Variants in SMG6 observed in about 807,000 individuals in gnomAD.
SMG6 encodes telomerase-binding protein EST1A.
SMG6 carries 66 observed loss-of-function variants against 142.2 expected under a neutral mutation model. The observed-to-expected ratio is 0.46, with a 90% CI of 0.38 to 0.57. The LOEUF is 0.57. Ranked by LOEUF, SMG6 falls within the 20% of genes least tolerant of loss-of-function variation. The probability of loss-of-function intolerance (pLI) is 0.00; values close to 1 mark genes in which losing one functional copy is unlikely to be tolerated. For synonymous variants in SMG6, 779 were observed against 702.4 expected (o/e 1.11, Z -1.72); for missense variants, 1,793 against 1,832.0 (o/e 0.98, Z 0.39).
chr17:2,278,526 T>A (rs2074712083), intron 8 of SMG6, among the ~76,000 whole-genome samples: 1 of 152,120 alleles, frequency 6.6e-6, no homozygotes, highest in Non-Finnish European at 1.5e-5. Context: ...TACATTACTG[T>A]TTAATGTTGA....
intron 12 of SMG6, among the ~76,000 whole-genome samples, chr17:2,179,795 G>T (rs903898505): frequency 1.3e-5 from 2 of 152,152 alleles, no homozygotes; most frequent in Admixed American, 1.3e-4. Context: ...CTTGGCACTG[G>T]TTCTATTTTC....
intron 8 of SMG6, among the ~76,000 whole-genome samples, chr17:2,282,393 A>C (rs1296515442): frequency 1.9e-5 from 1 of 52,222 alleles, no homozygotes; most frequent in South Asian, 5.1e-4. Context: ...AAAGCAGCAA[A>C]AAAAAAAAAA....
intron 13 of SMG6, among the ~76,000 whole-genome samples, chr17:2,137,529 G>T (rs1278048775): frequency 6.6e-6 from 1 of 152,026 alleles, no homozygotes; most frequent in African/African-American, 2.4e-5. Context: ...ATGCAAATGG[G>T]CTTACTCATC....
chr17:2,188,181 G>C (rs2072048909), intron 11 of SMG6, among the ~76,000 whole-genome samples: 1 of 152,138 alleles, frequency 6.6e-6, no homozygotes, highest in South Asian at 2.1e-4. Flanking sequence ...AAAGAGAGAG[G>C]AAAGGGTTCT....
intron 8 of SMG6, among the ~76,000 whole-genome samples, chr17:2,251,282 A>G (rs1597711612): frequency 1.3e-5 from 2 of 151,832 alleles, no homozygotes; most frequent in African/African-American, 2.4e-5. Context: ...AAAAAAAAAA[A>G]GCACGGGAAA....
intron 10 of SMG6, among the ~76,000 whole-genome samples, chr17:2,195,652 A>G (rs2072301665): frequency 1.3e-5 from 2 of 152,228 alleles, no homozygotes; most frequent in Admixed American, 1.3e-4. Context: ...GTGGCCAGAC[A>G]TAATAACTAA....
At chr17:2,151,674 G>A (rs1469837911) in intron 13 of SMG6, among the ~76,000 whole-genome samples, 2 of 152,210 alleles carry the variant, frequency 1.3e-5, no homozygotes, top group African/African-American at 2.4e-5. Flanking sequence ...ACACGGATCA[G>A]CAATTAAAAA....
chr17:2,183,241 C>T (rs1388737101), intron 12 of SMG6, among the ~76,000 whole-genome samples: 1 of 131,970 alleles, frequency 7.6e-6, no homozygotes, highest in Non-Finnish European at 1.6e-5. Context: ...GGTAGGAAGG[C>T]AGGAAGGGAG....
chr17:2,218,346 G>A (rs562867523), intron 10 of SMG6, among the ~76,000 whole-genome samples: 17 of 152,052 alleles, frequency 1.1e-4, no homozygotes, highest in Non-Finnish European at 2.2e-4. Context: ...CCAGGAGATC[G>A]AGACCATCCT....
chr17:2,273,559 G>T (rs1033036194), intron 8 of SMG6, among the ~76,000 whole-genome samples: 2 of 152,204 alleles, frequency 1.3e-5, no homozygotes, highest in Non-Finnish European at 2.9e-5. Flanking sequence ...TTTGAACCGG[G>T]GAGGCGGAAG....
intron 13 of SMG6, among the ~76,000 whole-genome samples, chr17:2,156,392 TCAAAAAAAAAAAAAAAA>T: frequency 4.2e-5 from 1 of 23,834 alleles, no homozygotes; most frequent in Non-Finnish European, 6.4e-5. Flanking sequence ...ACACTCCTTC[TCAAAAAAAAAAAAAAAA>T]AAAAAAAAAA....
At chr17:2,073,703 C>G (rs1239357898) in intron 15 of SMG6, among the ~76,000 whole-genome samples, 1 of 91,556 alleles carries the variant, frequency 1.1e-5, no homozygotes, top group Non-Finnish European at 2.1e-5. Context: ...AGCGAGACTC[C>G]GTCTCAAAAA....
chr17:2,191,982 CAG>C (rs1311070639), intron 10 of SMG6, among the ~76,000 whole-genome samples: 1 of 152,214 alleles, frequency 6.6e-6, no homozygotes, highest in African/African-American at 2.4e-5. Context: ...TTGTAACTGT[CAG>C]AGAAGTGCTT....
At chr17:2,173,389 A>C (rs1314038028) in intron 12 of SMG6, among the ~76,000 whole-genome samples, 1 of 152,160 alleles carries the variant, frequency 6.6e-6, no homozygotes, top group Non-Finnish European at 1.5e-5. Flanking sequence ...ATAGGCAGGC[A>C]ATCAATCAAT....
At chr17:2,248,927 C>G (rs1199803780) in intron 8 of SMG6, among the ~76,000 whole-genome samples, 2 of 151,758 alleles carry the variant, frequency 1.3e-5, no homozygotes, top group Admixed American at 1.3e-4. Flanking sequence ...TGCTCTTTCA[C>G]CCAGGCTGGA....
chr17:2,225,972 G>A (rs1204314730), intron 10 of SMG6, among the ~76,000 whole-genome samples: 1 of 152,190 alleles, frequency 6.6e-6, no homozygotes, highest in South Asian at 2.1e-4. Flanking sequence ...AGGTTATAGA[G>A]AGAACTCTTA....
intron 13 of SMG6, among the ~76,000 whole-genome samples, chr17:2,117,383 ATTGT>A (rs2069541246): frequency 6.6e-6 from 1 of 152,198 alleles, no homozygotes; most frequent in African/African-American, 2.4e-5. Context: ...AGATGACATG[ATTGT>A]TTAACACAAA....
chr17:2,112,390 C>T lies in SMG6; in HGVS notation c.3358-26489G>A, dbSNP rs531481057. 2.0e-5 allele frequency among the ~76,000 whole-genome samples: 3 copies of T among 151,378 alleles called. No individual in the cohort carries two copies. The South Asian group carries it at 6.2e-4, about 31-fold the overall frequency. On this transcript the variant is annotated intron_variant, in intron 13 of 18. Transcript: ENST00000263073. ...AGGCGTCGTGGCGGGCGTCTGGAGT[C>T]CCAGCTACTCGGGAGGCTGAGGCAG...
chr17:2,064,680 G>GAGGTT (rs1280854431), intron 18 of SMG6, among the ~76,000 whole-genome samples: 1 of 152,098 alleles, frequency 6.6e-6, no homozygotes, highest in African/African-American at 2.4e-5. Flanking sequence ...GGACCCCTGG[G>GAGGTT]GGGCTGCCCT....
Sources: allele counts gnomAD v4.1 joint callset (sites outside exome capture counted in the v4.1 genomes callset), GRCh38; gene constraint gnomAD v4.1.1; transcripts MANE v1.5; gene names NCBI Gene and HGNC (gene_info 2026-07-23, HGNC 2026-07-21).